Variants in CPHXL observed in about 807,000 individuals in gnomAD.
CPHXL encodes the protein cytoplasmic polyadenylated homeobox like, also known as cytoplasmic polyadenylated homeobox-like protein.
At chr16:75,716,655 G>A (rs1393540051) in intron 2 of CPHXL, among the ~76,000 whole-genome samples, 1 of 152,012 alleles carries the variant, frequency 6.6e-6, no homozygotes, top group Non-Finnish European at 1.5e-5. Context: ...AGGCTTTATT[G>A]TATGGTCATG....
At chr16:75,717,794 G>A (rs1959414918) in intron 2 of CPHXL, among the ~76,000 whole-genome samples, 1 of 152,218 alleles carries the variant, frequency 6.6e-6, no homozygotes, top group Admixed American at 6.5e-5. Context: ...ATCTGTGCAT[G>A]TGGACCCAGT....
At chr16:75,715,989 C>T (rs1230104229) in intron 2 of CPHXL, among the ~76,000 whole-genome samples, 1 of 152,164 alleles carries the variant, frequency 6.6e-6, no homozygotes, top group Non-Finnish European at 1.5e-5. Context: ...TGAGCCACCA[C>T]ATCTGGCCCA....
At chr16:75,717,053 G>A (rs1021412618) in intron 2 of CPHXL, among the ~76,000 whole-genome samples, 1 of 152,092 alleles carries the variant, frequency 6.6e-6, no homozygotes, top group Non-Finnish European at 1.5e-5. Context: ...TAAGTCAAAC[G>A]TCCAAGTAAC....
intron 1 of CPHXL, among the ~76,000 whole-genome samples, chr16:75,719,909 T>C (rs1256336824): frequency 1.3e-5 from 2 of 151,554 alleles, no homozygotes; most frequent in Non-Finnish European, 2.9e-5. Context: ...ACAAAACTTC[T>C]AGAGGAACGA....
chr16:75,721,517 T>C (rs536990843), intron 1 of CPHXL, among the ~76,000 whole-genome samples: 140 of 152,300 alleles, frequency 9.2e-4, no homozygotes, highest in Middle Eastern at 6.8e-3. Flanking sequence ...GGCCATTACA[T>C]AATGGCAAAG....
chr16:75,722,438 C>A (rs2151839887), intron 1 of CPHXL, among the ~76,000 whole-genome samples: 1 of 152,240 alleles, frequency 6.6e-6, no homozygotes, highest in East Asian at 1.9e-4. Context: ...TCACTGATCC[C>A]ACAGAAATAC....
rs35659823 is a variant in CPHXL, at chr16:75,725,753, CTTTTTTT to C, written c.25+658_25+664del. The stretch of plus-strand genomic sequence containing the variant: ...AGGAGTGAGCCACCGTGCCCGGCGT[CTTTTTTT>C]TTTTTTTTTTTTTTTTTTTTTTTAG... On this transcript the variant is annotated intron_variant, in intron 1 of 2. Coordinates refer to ENST00000640559, the MANE Select transcript of CPHXL (RefSeq NM_001355613.1). Among the ~76,000 whole-genome samples the C allele has an allele frequency of 4.7e-3, 203 of 43,326 alleles. 1 individual carries two copies. Among genetic ancestry groups the C allele is most frequent in the East Asian group, 0.042 (25 of 596 alleles). The allele number at this position is 43,326 out of a possible 152,430, so 28.4% of individuals were successfully genotyped here.
intron 1 of CPHXL, among the ~76,000 whole-genome samples, chr16:75,724,443 C>A (rs942325724): frequency 6.6e-6 from 1 of 152,124 alleles, no homozygotes; most frequent in African/African-American, 2.4e-5. Flanking sequence ...AAACAAACAA[C>A]CCCATCAACA....
intron 1 of CPHXL, 65 bp downstream of exon 1, chr16:75,726,353 T>C (rs938035919): frequency 2.5e-6 from 1 of 398,450 alleles, no homozygotes; most frequent in Non-Finnish European, 4.4e-6. Flanking sequence ...CTTTAAACTT[T>C]GACACACTAT....
intron 1 of CPHXL, among the ~76,000 whole-genome samples, chr16:75,719,050 ATTAG>A (rs369656300): frequency 2.1e-3 from 320 of 152,100 alleles, no homozygotes; most frequent in African/African-American, 7.3e-3. Flanking sequence ...ATTTGTGAAC[ATTAG>A]TTAAATTAAA....
chr16:75,720,842 G>A lies in CPHXL; in HGVS notation c.26-2384C>T, dbSNP rs372885298. On this transcript the variant is annotated intron_variant, in intron 1 of 2. Transcript: ENST00000640559. ...TGAAATGAAGGAAAAAATGGGAAGG[G>A]CAGCCAGAGAGAAAGGTCGGGTTAC... Among the ~76,000 whole-genome samples the A allele has an allele frequency of 4.6e-5, 7 of 152,278 alleles. No individual in the cohort carries two copies. In the East Asian group the frequency reaches 5.8e-4, roughly 13 times the overall value.
At chr16:75,716,347 CAA>C (rs1210658043) in intron 2 of CPHXL, among the ~76,000 whole-genome samples, 1 of 152,182 alleles carries the variant, frequency 6.6e-6, no homozygotes, top group Non-Finnish European at 1.5e-5. Context: ...ATGCCAGTTG[CAA>C]GTCTGGGCTT....
Position 75,714,838 on chromosome 16 carries a change from G to C in CPHXL, c.604C>G (p.Gln202Glu), listed in dbSNP as rs866105631. The change falls in exon 3 of 3, where the codon CAG becomes GAG. Residue 202 changes from glutamine (Q) to glutamate (E), a missense_variant. Gln to Glu is a conservative substitution (Grantham distance 29). Transcript: ENST00000640559. ...YLEKLGIPSQ[Q>E]VASQSSYLVT... is the part of the protein sequence containing the mutation. Reference sequence around the variant, plus strand: ...AGATAGGAACTCTGGGAGGCCACCTGTTGACTGGGAATCCCTAGTTTCTCC... The same window carrying C: ...AGATAGGAACTCTGGGAGGCCACCTCTTGACTGGGAATCCCTAGTTTCTCC... 3.0e-4 allele frequency: 120 copies of C among 398,710 alleles called. No individual in the cohort carries two copies. In the Middle Eastern group the frequency reaches 4.4e-3, roughly 15 times the overall value. The allele number at this position is 398,710 out of a possible 1,614,324, so 24.7% of individuals were successfully genotyped here.
chr16:75,719,895 C>T (rs903652635), intron 1 of CPHXL, among the ~76,000 whole-genome samples: 13 of 152,206 alleles, frequency 8.5e-5, no homozygotes, highest in East Asian at 5.8e-4. Flanking sequence ...GGTACTCCTC[C>T]GAGACAAAAC....
At chr16:75,721,743 C>T (rs1480978925) in intron 1 of CPHXL, among the ~76,000 whole-genome samples, 4 of 152,174 alleles carry the variant, frequency 2.6e-5, no homozygotes, top group Non-Finnish European at 5.9e-5. Flanking sequence ...CAGCTCTGCA[C>T]CAAGCGGACC....
At position 75,714,708 on chromosome 16, in the gene CPHXL, C is replaced by T. The variant is rs1041544454; in HGVS notation, c.734G>A (p.Ser245Asn). The change falls in exon 3 of 3, where the codon AGC becomes AAC. Residue 245 changes from serine to asparagine, a missense_variant. Ser to Asn is a conservative substitution (Grantham distance 46, BLOSUM62 1). Transcript: ENST00000640559. ...SGHSTAYHFL[S>N]YNSAECLHPP... ...ATGAAGGCATTCTGCAGAGTTGTAGCTGAGAAAATGATAGGCAGTAGAATG... is the reference window on the plus strand; with the variant it reads ...ATGAAGGCATTCTGCAGAGTTGTAGTTGAGAAAATGATAGGCAGTAGAATG... The T allele has an allele frequency of 1.3e-5, 5 of 398,514 alleles. No homozygotes were observed. The highest frequency in any genetic ancestry group is 2.2e-5 in the Non-Finnish European group (5 of 226,088). The allele number at this position is 398,514 out of a possible 1,614,324, so 24.7% of individuals were successfully genotyped here. A position where few individuals can be genotyped will look rare whatever the true frequency, so the allele number is the denominator to read the frequency against.
intron 1 of CPHXL, among the ~76,000 whole-genome samples, chr16:75,724,387 C>G (rs556717434): frequency 7.5e-4 from 114 of 152,146 alleles, no homozygotes; most frequent in African/African-American, 2.7e-3. Flanking sequence ...TGACAAAGGG[C>G]TAATATCCAG....
At chr16:75,726,284 A>G (rs574682385) in intron 1 of CPHXL, 134 bp downstream of exon 1, 2 of 397,274 alleles carry the variant, frequency 5.0e-6, no homozygotes, top group Non-Finnish European at 4.4e-6. Flanking sequence ...GAATGCCCTA[A>G]CACAATTTAC....
intron 1 of CPHXL, among the ~76,000 whole-genome samples, chr16:75,721,796 A>T (rs1466914694): frequency 6.6e-6 from 1 of 152,206 alleles, no homozygotes; most frequent in African/African-American, 2.4e-5. Context: ...TCAACAGAAT[A>T]TACATTCTTC....
Sources: allele counts gnomAD v4.1 joint callset (sites outside exome capture counted in the v4.1 genomes callset), GRCh38; gene constraint gnomAD v4.1.1; transcripts MANE v1.5; gene names NCBI Gene and HGNC (gene_info 2026-07-23, HGNC 2026-07-21).